The following CHD7 variants were observed in gnomAD, a reference collection of about 807,000 sequenced individuals.
CHD7 encodes ATP-dependent chromatin remodeler CHD7.
CHD7 carries 24 observed loss-of-function variants against 307.3 expected under a neutral mutation model. The ratio of observed to expected loss-of-function variants is 0.08; its 90% CI spans 0.06 to 0.11. CHD7 has a LOEUF of 0.11. Ranked by LOEUF, CHD7 falls within the 10% of genes least tolerant of loss-of-function variation. The pLI is 1.00. For missense variants in CHD7, 3,106 were observed against 3,727.1 expected, an observed-to-expected ratio of 0.83 and a Z score of 4.34; for synonymous variants, 1,363 against 1,349.9, an observed-to-expected ratio of 1.01 and a Z score of -0.21.
At chr8:60,793,982 C>T (rs531040376) in intron 3 of CHD7, among the ~76,000 whole-genome samples, 1 of 152,180 alleles carries the variant, frequency 6.6e-6, no homozygotes, top group South Asian at 2.1e-4. Flanking sequence ...ATTAGCTGGG[C>T]ATGGTGGTGC....
chr8:60,816,922 A>G (rs1366128015), intron 8 of CHD7, among the ~76,000 whole-genome samples: 1 of 152,210 alleles, frequency 6.6e-6, no homozygotes, highest in Non-Finnish European at 1.5e-5. Context: ...GTCAATGCCT[A>G]ATTACAGAGA....
chr8:60,848,237 G>A (rs1805297615), intron 23 of CHD7, among the ~76,000 whole-genome samples: 1 of 152,204 alleles, frequency 6.6e-6, no homozygotes, highest in Admixed American at 6.5e-5. Context: ...TTCACAAGCT[G>A]CACTAGGTAG....
intron 2 of CHD7, among the ~76,000 whole-genome samples, chr8:60,766,934 G>A (rs1190771625): frequency 6.6e-6 from 1 of 152,118 alleles, no homozygotes; most frequent in Non-Finnish European, 1.5e-5. Flanking sequence ...CGCTGGGAGA[G>A]AAAAAAGCAC....
chr8:60,692,168 G>A (rs140782163), intron 1 of CHD7, among the ~76,000 whole-genome samples: 85 of 152,264 alleles, frequency 5.6e-4, no homozygotes, highest in Middle Eastern at 3.4e-3. Flanking sequence ...AATTCTTACA[G>A]TGTATTTTGG....
chr8:60,694,999 G>T (rs530721867), intron 1 of CHD7, among the ~76,000 whole-genome samples: 1 of 152,204 alleles, frequency 6.6e-6, no homozygotes, highest in Non-Finnish European at 1.5e-5. Context: ...ACCAGGAGGT[G>T]GTAGAGCTTT....
chr8:60,757,106 A>G (rs1809938592), intron 2 of CHD7, among the ~76,000 whole-genome samples: 1 of 152,192 alleles, frequency 6.6e-6, no homozygotes, highest in Non-Finnish European at 1.5e-5. Flanking sequence ...GGGGCCTTAA[A>G]AAATGACTGT....
Position 60,756,538 on chromosome 8 carries a change from C to T in CHD7, c.1665+13441C>T, listed in dbSNP as rs1288544498. Among the ~76,000 whole-genome samples the T allele has an allele frequency of 2.6e-5, 4 of 152,152 alleles. No homozygotes were observed. The East Asian group carries it at 7.7e-4, about 29-fold the overall frequency. The stretch of plus-strand genomic sequence containing the variant: ...TTCATATAAAATATTTAAGGCCAGG[C>T]ACGGTGGTGTGCACCTGTAGCCCAG... On this transcript the variant is annotated intron_variant, in intron 2 of 37. Coordinates refer to ENST00000423902, the MANE Select transcript of CHD7 (RefSeq NM_017780.4).
chr8:60,804,986 G>A (rs1422512248), intron 6 of CHD7, among the ~76,000 whole-genome samples: 1 of 152,146 alleles, frequency 6.6e-6, no homozygotes, highest in East Asian at 1.9e-4. Flanking sequence ...ATATTACTGG[G>A]TTCTCAAATT....
intron 1 of CHD7, among the ~76,000 whole-genome samples, chr8:60,739,610 T>C (rs1023440223): frequency 1.3e-5 from 2 of 152,232 alleles, no homozygotes; most frequent in Non-Finnish European, 2.9e-5. Flanking sequence ...CCTTTGACTT[T>C]AGTTGACAGC....
chr8:60,865,988 T>C lies in CHD7; in HGVS notation c.*55T>C. On this transcript the variant is annotated 3_prime_UTR_variant, in exon 38 of 38. Transcript: ENST00000423902. This position sits in a 1 kb window ranked among gnomAD's most constrained non-coding sequence, Gnocchi z 4.3. ...AACTTTTGACAAGTGGTAGTCCTAC[T>C]GTTTACACTCACAGTTAATGTTCAT... 7.1e-7 allele frequency: 1 copy of C among 1,416,862 alleles called. No homozygotes were observed. Among genetic ancestry groups the C allele is most frequent in the Non-Finnish European group, 9.8e-7 (1 of 1,024,878 alleles). The allele number at this position is 1,416,862 out of a possible 1,614,324, so 87.8% of individuals were successfully genotyped here.
chr8:60,862,642 T>G lies in CHD7; in HGVS notation c.8066T>G (p.Val2689Gly). The change falls in exon 37 of 38, where the codon GTT becomes GGT. Residue 2689 changes from valine (V) to glycine (G), a missense_variant. Transcript: ENST00000423902. ...FAVAPDWTDI[V>G]KQSGFVPESM... ...GTTGCTCCAGACTGGACTGATATAGTTAAGCAGTCTGTAAGTACAAACTGC... is the reference window on the plus strand; with the variant it reads ...GTTGCTCCAGACTGGACTGATATAGGTAAGCAGTCTGTAAGTACAAACTGC... The G allele has an allele frequency of 6.4e-7, 1 of 1,558,906 alleles. No homozygotes were observed. The highest frequency in any genetic ancestry group is 8.7e-7 in the Non-Finnish European group (1 of 1,149,656).
intron 2 of CHD7, among the ~76,000 whole-genome samples, chr8:60,761,770 G>T (rs1164089352): frequency 6.6e-6 from 1 of 152,006 alleles, no homozygotes; most frequent in Non-Finnish European, 1.5e-5. Context: ...AGTGCTACCA[G>T]ACCCTGCCCT....
chr8:60,805,895 T>C (rs140638635), intron 6 of CHD7, among the ~76,000 whole-genome samples: 1 of 152,298 alleles, frequency 6.6e-6, no homozygotes, highest in African/African-American at 2.4e-5. Context: ...ATATAATTAT[T>C]ATCAGAAGGG....
At chr8:60,745,434 C>T (rs1333256458) in intron 2 of CHD7, among the ~76,000 whole-genome samples, 3 of 152,202 alleles carry the variant, frequency 2.0e-5, no homozygotes, top group Non-Finnish European at 2.9e-5. Context: ...GAGTCTGTGG[C>T]GTTTGAATCC....
intron 3 of CHD7, among the ~76,000 whole-genome samples, chr8:60,792,450 A>G (rs1811821076): frequency 6.6e-6 from 1 of 152,112 alleles, no homozygotes; most frequent in Admixed American, 6.5e-5. Flanking sequence ...GATGGATGGA[A>G]ATGCTTAGCT....
At chr8:60,707,758 A>G (rs1439611569) in intron 1 of CHD7, among the ~76,000 whole-genome samples, 4 of 152,234 alleles carry the variant, frequency 2.6e-5, no homozygotes, top group African/African-American at 9.6e-5. Flanking sequence ...TATCTCAAAA[A>G]AAGGGAAACT....
intron 1 of CHD7, among the ~76,000 whole-genome samples, chr8:60,713,451 G>A (rs1807390356): frequency 6.6e-6 from 1 of 152,076 alleles, no homozygotes; most frequent in Non-Finnish European, 1.5e-5. Context: ...CTATATTTGA[G>A]AAGGGATTCG....
At chr8:60,712,968 T>C (rs1807356670) in intron 1 of CHD7, among the ~76,000 whole-genome samples, 1 of 149,596 alleles carries the variant, frequency 6.7e-6, no homozygotes, top group Non-Finnish European at 1.5e-5. Flanking sequence ...GGAGAATCGC[T>C]TGAACCCTGG....
chr8:60,749,370 C>A (rs1349196901), intron 2 of CHD7, among the ~76,000 whole-genome samples: 55 of 56,306 alleles, frequency 9.8e-4, no homozygotes, highest in East Asian at 3.0e-3. Flanking sequence ...GACTCTGTAT[C>A]AAAAAAAAAA....
Sources: gnomAD v4.1 joint callset for allele counts (sites outside exome capture counted in the v4.1 genomes callset) on GRCh38, gnomAD v4.1.1 for gene constraint, Gnocchi (gnomAD v3.1) non-coding constraint, MANE v1.5 for transcripts, NCBI Gene and HGNC (gene_info 2026-07-23, HGNC 2026-07-21) for gene names.